TEKT5: variants seen among roughly 807,000 people sequenced by gnomAD.
TEKT5 encodes tektin 5.
Under a neutral mutation model 48.7 loss-of-function variants are expected in TEKT5, and 52 were observed. The observed-to-expected ratio is 1.07, with a 90% CI of 0.86 to 1.35. The LOEUF (loss-of-function observed/expected upper bound fraction) is 1.35. Among genes scored for constraint, TEKT5 ranks in the 40% most tolerant of loss-of-function variants. TEKT5 has a pLI of 0.00. For missense variants in TEKT5, 831 were observed against 641.6 expected, an observed-to-expected ratio of 1.30 and a Z score of -3.19; for synonymous variants, 318 against 267.6, an observed-to-expected ratio of 1.19 and a Z score of -1.84.
At chr16:10,689,715 A>G (rs188518377) in intron 2 of TEKT5, among the ~76,000 whole-genome samples, 40 of 152,176 alleles carry the variant, frequency 2.6e-4, no homozygotes, top group African/African-American at 9.6e-4. Flanking sequence ...TTATTGGTAT[A>G]TTATTATCAT....
At chr16:10,655,519 T>C (rs34535870) in intron 5 of TEKT5, among the ~76,000 whole-genome samples, 4,590 of 152,336 alleles carry the variant, frequency 0.03, 189 homozygotes, top group East Asian at 0.2. Context: ...TTGTGGCTAG[T>C]TGACACATAG....
At chr16:10,677,872 A>G (rs1021495864) in intron 4 of TEKT5, among the ~76,000 whole-genome samples, 3 of 152,180 alleles carry the variant, frequency 2.0e-5, no homozygotes, top group African/African-American at 4.8e-5. Flanking sequence ...TGCAGAGGAT[A>G]GTCGGCCATG....
At chr16:10,662,120 TG>T (rs1898382640) in intron 5 of TEKT5, among the ~76,000 whole-genome samples, 1 of 152,132 alleles carries the variant, frequency 6.6e-6, no homozygotes, top group Admixed American at 6.5e-5. Flanking sequence ...TTCTCCATGG[TG>T]GGGGGTAGGG....
intron 6 of TEKT5, among the ~76,000 whole-genome samples, chr16:10,633,860 C>A (rs953809601): frequency 6.6e-6 from 1 of 152,126 alleles, no homozygotes; most frequent in Non-Finnish European, 1.5e-5. Flanking sequence ...AATTTGCCTG[C>A]CCCTCCACCC....
chr16:10,640,015 A>G (rs1897968220), intron 5 of TEKT5, among the ~76,000 whole-genome samples: 1 of 140,980 alleles, frequency 7.1e-6, no homozygotes, highest in Admixed American at 7.1e-5. Context: ...CCTCCTCCTC[A>G]GTCTTTCTCT....
chr16:10,689,337 T>C lies in TEKT5; in HGVS notation c.649-14A>G, dbSNP rs376062242. ...CAAATCCACTTCCTGAAATGAAAAA[T>C]GTCAGAAAGAGCAGTGCCTCTTAGA... On this transcript the variant is annotated splice_polypyrimidine_tract_variant and intron_variant, in intron 2 of 6. Transcript: ENST00000283025. The C allele has an allele frequency of 2.2e-4, 359 of 1,609,888 alleles. No individual in the cohort carries two copies. The highest frequency in any genetic ancestry group is 7.2e-4 in the Admixed American group (43 of 59,778).
intron 3 of TEKT5, among the ~76,000 whole-genome samples, chr16:10,683,284 G>A (rs1357655474): frequency 2.0e-5 from 3 of 151,536 alleles, no homozygotes; most frequent in Non-Finnish European, 4.4e-5. Flanking sequence ...GAACTGGGTG[G>A]AGTCAGGGGC....
intron 5 of TEKT5, among the ~76,000 whole-genome samples, chr16:10,669,196 G>A (rs1033430084): frequency 3.3e-5 from 5 of 152,056 alleles, no homozygotes; most frequent in South Asian, 2.1e-4. Context: ...GGCCACGTAC[G>A]GTAGCTCACG....
At chr16:10,654,792 C>T (rs1898229284) in intron 5 of TEKT5, among the ~76,000 whole-genome samples, 1 of 152,086 alleles carries the variant, frequency 6.6e-6, no homozygotes, top group Admixed American at 6.6e-5. Flanking sequence ...CCTCACAAGC[C>T]AATTCCTACA....
intron 3 of TEKT5, among the ~76,000 whole-genome samples, chr16:10,683,102 T>C (rs941293950): frequency 6.6e-6 from 1 of 151,600 alleles, no homozygotes; most frequent in Non-Finnish European, 1.5e-5. Flanking sequence ...GAGGAAACCA[T>C]TAACTGAGGG....
chr16:10,661,214 G>A (rs78498230), intron 5 of TEKT5, among the ~76,000 whole-genome samples: 1 of 152,318 alleles, frequency 6.6e-6, no homozygotes, highest in East Asian at 1.9e-4. Context: ...GGGGCTGTGA[G>A]TTTGCAACCC....
At chr16:10,682,158 T>C (rs760321282) in intron 3 of TEKT5, 22 bp from the exon 4 acceptor site, 2 of 1,612,204 alleles carry the variant, frequency 1.2e-6, no homozygotes. Flanking sequence ...GAGGAGTCAT[T>C]CCTGGACTAT....
intron 5 of TEKT5, among the ~76,000 whole-genome samples, chr16:10,663,510 G>C (rs1441905747): frequency 3.3e-5 from 5 of 152,150 alleles, no homozygotes; most frequent in Non-Finnish European, 7.4e-5. Flanking sequence ...ATCCTTTTCT[G>C]GTCAAATGGT....
chr16:10,683,674 T>C (rs1415144890), intron 3 of TEKT5, among the ~76,000 whole-genome samples: 6 of 152,346 alleles, frequency 3.9e-5, no homozygotes, highest in African/African-American at 1.4e-4. Context: ...CACTGCAACT[T>C]CCGCCTCCTG....
chr16:10,633,813 G>A (rs1373907584), intron 6 of TEKT5, among the ~76,000 whole-genome samples: 1 of 152,070 alleles, frequency 6.6e-6, no homozygotes, highest in South Asian at 2.1e-4. Flanking sequence ...TCCAAAGTGG[G>A]AGGGACCCCA....
chr16:10,664,780 AAC>A, intron 5 of TEKT5, among the ~76,000 whole-genome samples: 1 of 152,292 alleles, frequency 6.6e-6, no homozygotes, highest in Non-Finnish European at 1.5e-5. Flanking sequence ...CCAAAATTCA[AAC>A]CAGGTGCCAG....
rs372420169 is a variant in TEKT5 at position 10,645,737 on chromosome 16, G to A, written c.1087-9819C>T. 3.6e-4 allele frequency among the ~76,000 whole-genome samples: 55 copies of A among 152,268 alleles called. No individual in the cohort carries two copies. The East Asian group carries it at 0.01, about 28-fold the overall frequency. On this transcript the variant is annotated intron_variant, in intron 5 of 6. Coordinates refer to ENST00000283025, the MANE Select transcript of TEKT5 (RefSeq NM_144674.2). ...AAATCGCTTGAACCTGGGAGGCGGA[G>A]GTTGCAGGGAGCCAAGATCACACCA...
chr16:10,684,759 G>A (rs1044343714), intron 3 of TEKT5, among the ~76,000 whole-genome samples: 21 of 152,170 alleles, frequency 1.4e-4, no homozygotes, highest in Admixed American at 8.5e-4. Context: ...CTCCCTACTC[G>A]GCCCACAACC....
intron 4 of TEKT5, among the ~76,000 whole-genome samples, chr16:10,676,879 G>A (rs1360308544): frequency 1.3e-5 from 2 of 151,758 alleles, no homozygotes; most frequent in African/African-American, 2.4e-5. Flanking sequence ...ATTGTGTTAT[G>A]TGCTGGGAAG....
Sources: allele counts gnomAD v4.1 joint callset (sites outside exome capture counted in the v4.1 genomes callset), GRCh38; gene constraint gnomAD v4.1.1; transcripts MANE v1.5; gene names NCBI Gene and HGNC (gene_info 2026-07-23, HGNC 2026-07-21).